Variants in SMAD2 observed in about 807,000 individuals in gnomAD.
SMAD2 encodes SMAD family member 2, also known as MAD homolog 2.
A neutral mutation model predicts 64.4 loss-of-function variants in SMAD2; 8 were observed. That is an observed-to-expected ratio of 0.12 (90% CI 0.07 to 0.22). The LOEUF is 0.22. Among genes scored for constraint, SMAD2 ranks in the 10% least tolerant of loss-of-function variants. SMAD2 has a pLI of 1.00. For missense variants in SMAD2, 289 were observed against 561.2 expected (o/e 0.51, Z 4.90); for synonymous variants, 203 against 195.8 (o/e 1.04, Z -0.31).
chr18:47,891,789 A>T (rs2033206099), intron 2 of SMAD2, among the ~76,000 whole-genome samples: 8 of 152,162 alleles, frequency 5.3e-5, no homozygotes, highest in Admixed American at 5.2e-4. Context: ...CTGACTTCAA[A>T]GAAAAAAGAC....
At chr18:47,902,487 A>G (rs868687410) in intron 1 of SMAD2, among the ~76,000 whole-genome samples, 1 of 152,212 alleles carries the variant, frequency 6.6e-6, no homozygotes. Flanking sequence ...ATAAGACACA[A>G]GATCACTTAC....
chr18:47,929,746 G>A (rs2034919591), intron 1 of SMAD2, among the ~76,000 whole-genome samples: 1 of 152,144 alleles, frequency 6.6e-6, no homozygotes, highest in Non-Finnish European at 1.5e-5. Flanking sequence ...CTGACCCAAA[G>A]ACAATATCCC....
chr18:47,894,198 C>A (rs1008572013), intron 2 of SMAD2, among the ~76,000 whole-genome samples: 2 of 152,206 alleles, frequency 1.3e-5, no homozygotes, highest in Non-Finnish European at 2.9e-5. Context: ...GCAACTTGAG[C>A]CTTGTTGAAG....
At chr18:47,857,834 G>T (rs1828973365) in intron 6 of SMAD2, among the ~76,000 whole-genome samples, 3 of 152,336 alleles carry the variant, frequency 2.0e-5, no homozygotes, top group African/African-American at 7.2e-5. Context: ...GTCTTTAGCT[G>T]AGTACATGTT....
rs767008590 is a variant in SMAD2 at position 47,816,615 on chromosome 18, G to C, written c.*25212C>G. On this transcript the variant is annotated 3_prime_UTR_variant, in exon 11 of 11. Transcript: ENST00000262160. ...AAATACTTTTGCCTAGCCACTGCCT[G>C]TCCAACTTCAGAGTGGCACCACCCT... 3 of 152,180 alleles carry C rather than the reference G, an allele frequency of 2.0e-5. No individual in the cohort carries two copies. The highest frequency in any genetic ancestry group is 4.4e-5 in the Non-Finnish European group (3 of 68,032). 9.4% of individuals were successfully genotyped at this position (152,180 alleles called of 1,614,324 possible).
At chr18:47,878,951 A>C (rs2032425102) in intron 2 of SMAD2, among the ~76,000 whole-genome samples, 1 of 152,190 alleles carries the variant, frequency 6.6e-6, no homozygotes. Flanking sequence ...CCTGGGCAAC[A>C]TGGTGAAACC....
At chr18:47,847,338 CCAGCATTACTT>C (rs1307241526) in intron 8 of SMAD2, among the ~76,000 whole-genome samples, 1 of 151,892 alleles carries the variant, frequency 6.6e-6, no homozygotes, top group Non-Finnish European at 1.5e-5. Context: ...ACTTTGATAA[CCAGCATTACTT>C]CTCACAGGAG....
chr18:47,924,682 A>T (rs1598906386), intron 1 of SMAD2, among the ~76,000 whole-genome samples: 1 of 151,994 alleles, frequency 6.6e-6, no homozygotes, highest in South Asian at 2.1e-4. Context: ...GGCTGGTCTC[A>T]AACTCCTGAC....
At position 47,837,208 on chromosome 18, in the gene SMAD2, A is replaced by C. The variant is rs1289332054; in HGVS notation, c.*4619T>G. 1 of 199,634 alleles carries C rather than the reference A, an allele frequency of 5.0e-6. No individual in the cohort carries two copies. Among genetic ancestry groups the C allele is most frequent in the African/African-American group, 2.3e-5 (1 of 43,440 alleles). 12.4% of individuals were successfully genotyped at this position (199,634 alleles called of 1,614,324 possible). ...AAGAAATTAGGACTCTAGGTATGAA[A>C]AGCATGTTCCTTTTTTGTTAATAAG... On this transcript the variant is annotated 3_prime_UTR_variant, in exon 11 of 11. Transcript: ENST00000262160.
At chr18:47,891,754 T>A (rs547799747) in intron 2 of SMAD2, among the ~76,000 whole-genome samples, 2 of 151,970 alleles carry the variant, frequency 1.3e-5, no homozygotes, top group Admixed American at 6.6e-5. Flanking sequence ...CTAAAAAAAA[T>A]AGAATTGCCT....
In SMAD2 at chr18:47,839,923, C is replaced by T. The variant is rs2144271200; in HGVS notation, c.*1904G>A. 1.3e-5 allele frequency: 3 copies of T among 233,156 alleles called. No homozygotes were observed. Among genetic ancestry groups the T allele is most frequent in the Middle Eastern group, 2.5e-3 (2 of 786 alleles). 14.4% of individuals were successfully genotyped at this position (233,156 alleles called of 1,614,324 possible). On this transcript the variant is annotated 3_prime_UTR_variant, in exon 11 of 11. Transcript: ENST00000262160. The stretch of plus-strand genomic sequence containing the variant: ...CCTGAAGCATCCCATCTGTTATTCT[C>T]CAGTACAGTACCCTGTTTATCTCCT...
intron 2 of SMAD2, among the ~76,000 whole-genome samples, chr18:47,873,775 A>G (rs1231896055): frequency 6.6e-6 from 1 of 152,218 alleles, no homozygotes; most frequent in Non-Finnish European, 1.5e-5. Context: ...GTACTGGATG[A>G]GAGCTGCATT....
rs531412021 is a variant in SMAD2, at chr18:47,829,978, T to A, written c.*11849A>T. ...GTCTAAGTAACTTGCAGCAGCAAATTCCCCCACTGACAACTTCAAAGCATA... is the reference window on the plus strand; with the variant it reads ...GTCTAAGTAACTTGCAGCAGCAAATACCCCCACTGACAACTTCAAAGCATA... On this transcript the variant is annotated 3_prime_UTR_variant, in exon 11 of 11. Transcript: ENST00000262160. 2.6e-5 allele frequency: 4 copies of A among 152,312 alleles called. No individual in the cohort carries two copies. Among genetic ancestry groups the A allele is most frequent in the African/African-American group, 9.6e-5 (4 of 41,564 alleles). 9.4% of individuals were successfully genotyped at this position (152,312 alleles called of 1,614,324 possible). A position where few individuals can be genotyped will look rare whatever the true frequency, so the allele number is the denominator to read the frequency against.
At chr18:47,851,223 A>G (rs1273518144) in intron 7 of SMAD2, 51 bp downstream of exon 7, 4 of 1,222,464 alleles carry the variant, frequency 3.3e-6, no homozygotes, top group Non-Finnish European at 4.8e-6. Context: ...TTTTATTATT[A>G]AGTAGGTGAT....
At chr18:47,886,198 A>C (rs1020184430) in intron 2 of SMAD2, among the ~76,000 whole-genome samples, 1 of 152,220 alleles carries the variant, frequency 6.6e-6, no homozygotes, top group Non-Finnish European at 1.5e-5. Context: ...CTTTGATTGT[A>C]AAAGTTTTTA....
chr18:47,847,700 C>CA (rs58794971), intron 8 of SMAD2, among the ~76,000 whole-genome samples: 1,577 of 111,706 alleles, frequency 0.014, 49 homozygotes, highest in Non-Finnish European at 0.017. Flanking sequence ...ATTTCCAAAG[C>CA]AAAAAAAAAA....
intron 1 of SMAD2, among the ~76,000 whole-genome samples, chr18:47,900,339 T>C (rs960895856): frequency 2.0e-5 from 3 of 152,124 alleles, no homozygotes; most frequent in Non-Finnish European, 4.4e-5. Context: ...CCTACCCATA[T>C]TGAATGATCC....
At chr18:47,916,368 G>A (rs1216248964) in intron 1 of SMAD2, among the ~76,000 whole-genome samples, 2 of 151,920 alleles carry the variant, frequency 1.3e-5, no homozygotes, top group African/African-American at 4.8e-5. Flanking sequence ...TTTTGCTTGA[G>A]GACTTAAAAT....
Position 47,855,403 on chromosome 18 carries a change from TAAG to T in SMAD2, c.731-4079_731-4077del, listed in dbSNP as rs200970208. 8.9e-4 allele frequency among the ~76,000 whole-genome samples: 135 copies of T among 152,316 alleles called. 2 individuals are homozygous for T. The East Asian group carries it at 0.016, about 18-fold the overall frequency. Reference sequence around the variant, plus strand: ...GAAGCAAGACTGCTAAACCATATGGTAAGAATATAGTTAGTTTTGTGAGAAATC... The same window carrying T: ...GAAGCAAGACTGCTAAACCATATGGTAATATAGTTAGTTTTGTGAGAAATC... On this transcript the variant is annotated intron_variant, in intron 6 of 10. Transcript: ENST00000262160.
Sources: gnomAD v4.1 joint callset for allele counts (sites outside exome capture counted in the v4.1 genomes callset) on GRCh38, gnomAD v4.1.1 for gene constraint, MANE v1.5 for transcripts, NCBI Gene and HGNC (gene_info 2026-07-23, HGNC 2026-07-21) for gene names.